Variants in REELD1 observed in about 807,000 individuals in gnomAD.
The protein encoded by REELD1 is reelin domain-containing protein 1.
A neutral mutation model predicts 6.3 loss-of-function variants in REELD1; 12 were observed. That is an observed-to-expected ratio of 1.89 (90% CI 1.21 to 3.07). The LOEUF (loss-of-function observed/expected upper bound fraction) is 3.07. Among genes scored for constraint, REELD1 ranks in the 30% most tolerant of loss-of-function variants. REELD1 has a pLI of 0.00. For synonymous variants in REELD1, 57 were observed against 33.6 expected, an observed-to-expected ratio of 1.70 and a Z score of -2.42; for missense variants, 163 against 86.8, an observed-to-expected ratio of 1.88 and a Z score of -3.49.
chr4:146,223,354 C>T (rs1473168648), intron 4 of REELD1, among the ~76,000 whole-genome samples: 1 of 152,096 alleles, frequency 6.6e-6, no homozygotes, highest in African/African-American at 2.4e-5. Context: ...TTGTGGTGTC[C>T]CTTCTCCCCC....
chr4:146,217,273 C>CT (rs1056991486), intron 3 of REELD1, 113 bp downstream of exon 3: 38 of 396,792 alleles, frequency 9.6e-5, no homozygotes, highest in East Asian at 6.1e-4. Context: ...GGCTTAATCC[C>CT]TTTTTTTTGT....
rs565636618 is a variant in REELD1 at position 146,219,841 on chromosome 4, C to T, written c.209-2516C>T. 7.4e-4 allele frequency among the ~76,000 whole-genome samples: 112 copies of T among 152,278 alleles called. 1 individual carries two copies. The South Asian group carries it at 0.013, about 17-fold the overall frequency. Reference sequence around the variant, plus strand: ...GAGTGAGATCTCAAATTAATATAATCTTAAGCAGACACAAATTAAATGTCT... The same window carrying T: ...GAGTGAGATCTCAAATTAATATAATTTTAAGCAGACACAAATTAAATGTCT... On this transcript the variant is annotated intron_variant, in intron 3 of 7. Coordinates refer to ENST00000623665, the MANE Select transcript of REELD1 (RefSeq NM_001354631.1).
chr4:146,223,734 G>A (rs367652732), intron 4 of REELD1, among the ~76,000 whole-genome samples: 11 of 152,364 alleles, frequency 7.2e-5, no homozygotes, highest in South Asian at 2.1e-4. Flanking sequence ...GCTTGCGCAC[G>A]ATAATGTCCG....
chr4:146,229,429 T>A (rs1252980298), intron 7 of REELD1, among the ~76,000 whole-genome samples: 1 of 152,212 alleles, frequency 6.6e-6, no homozygotes, highest in Non-Finnish European at 1.5e-5. Context: ...ATGGTCAATA[T>A]AAAATATAAA....
chr4:146,224,010 T>C (rs1450783616), intron 4 of REELD1, among the ~76,000 whole-genome samples: 1 of 152,268 alleles, frequency 6.6e-6, no homozygotes, highest in East Asian at 1.9e-4. Flanking sequence ...TAATTTCCAA[T>C]AGAATCTACA....
intron 4 of REELD1, among the ~76,000 whole-genome samples, chr4:146,223,096 C>T (rs1369508023): frequency 6.6e-6 from 1 of 152,206 alleles, no homozygotes; most frequent in East Asian, 1.9e-4. Flanking sequence ...ACAGTAAGCA[C>T]TTTAAAAGCA....
At chr4:146,215,651 ATTTTT>A (rs3029290) in intron 2 of REELD1, among the ~76,000 whole-genome samples, 1 of 86,666 alleles carries the variant, frequency 1.2e-5, no homozygotes, top group Non-Finnish European at 2.2e-5. Flanking sequence ...AGGGGAGGGC[ATTTTT>A]TTTTTTTTTT....
Position 146,228,331 on chromosome 4 carries a change from T to A in REELD1, c.717T>A (p.Phe239Leu), listed in dbSNP as rs752157383. ...PVPASIWVTK[F>L]PGDAETLSQP... Reference sequence around the variant, plus strand: ...CTGCCAGTATTTGGGTGACAAAGTTTCCTGGGGATGCAGAGACTCTGTCCC... The same window carrying A: ...CTGCCAGTATTTGGGTGACAAAGTTACCTGGGGATGCAGAGACTCTGTCCC... The change falls in exon 6 of 8, where the codon TTT (phenylalanine) becomes TTA (leucine). Residue 239 changes from phenylalanine (F) to leucine (L), a missense_variant. Transcript: ENST00000623665. 42 of 702,412 alleles carry A rather than the reference T, an allele frequency of 6.0e-5. No individual in the cohort carries two copies. The highest frequency in any genetic ancestry group is 2.0e-5 in the Admixed American group (1 of 50,000). 43.5% of individuals were successfully genotyped at this position (702,412 alleles called of 1,614,324 possible).
At position 146,231,236 on chromosome 4, in the gene REELD1, A is replaced by T. The variant is rs1731126522; in HGVS notation, c.*723A>T. Among the ~76,000 whole-genome samples, 1 of 152,232 alleles carries T rather than the reference A, an allele frequency of 6.6e-6. No individual in the cohort carries two copies. Among genetic ancestry groups the T allele is most frequent in the South Asian group, 2.1e-4 (1 of 4,832 alleles). The stretch of plus-strand genomic sequence containing the variant: ...AAGCCTTTTCATCAGGTGTAAATGG[A>T]TCTGAGACCTCCCATCCATTTACAC... On this transcript the variant is annotated 3_prime_UTR_variant, in exon 8 of 8. Coordinates refer to ENST00000623665, the MANE Select transcript of REELD1 (RefSeq NM_001354631.1).
chr4:146,220,065 C>T (rs937800360), intron 3 of REELD1, among the ~76,000 whole-genome samples: 2 of 152,200 alleles, frequency 1.3e-5, no homozygotes, highest in Non-Finnish European at 2.9e-5. Flanking sequence ...GCCTCAGCCT[C>T]CCCAGTAGCT....
chr4:146,216,929 T>C lies in REELD1; in HGVS notation c.-11-13T>C, dbSNP rs1730836523. On this transcript the variant is annotated splice_polypyrimidine_tract_variant and intron_variant, in intron 2 of 7. Transcript: ENST00000623665. Reference sequence around the variant, plus strand: ...TAACGTCTGGACTGAAGCTGCTGTTTGTCATGATACAGGAGAGGGCAGGAT... The same window carrying C: ...TAACGTCTGGACTGAAGCTGCTGTTCGTCATGATACAGGAGAGGGCAGGAT... 1 of 398,596 alleles carries C rather than the reference T, an allele frequency of 2.5e-6. No homozygotes were observed. Among genetic ancestry groups the C allele is most frequent in the East Asian group, 3.6e-5 (1 of 28,072 alleles). 24.7% of individuals were successfully genotyped at this position (398,596 alleles called of 1,614,324 possible).
At chr4:146,229,174 A>G in intron 7 of REELD1, 86 bp downstream of exon 7, 1 of 669,628 alleles carries the variant, frequency 1.5e-6, no homozygotes, top group Non-Finnish European at 2.7e-6. Context: ...CAGAGCTATT[A>G]GACTAGTAGC....
intron 3 of REELD1, among the ~76,000 whole-genome samples, chr4:146,218,245 C>A (rs905347778): frequency 6.6e-6 from 1 of 152,220 alleles, no homozygotes; most frequent in Admixed American, 6.5e-5. Flanking sequence ...CGGGTTGCCC[C>A]CACCAGGGGT....
intron 5 of REELD1, among the ~76,000 whole-genome samples, chr4:146,225,382 T>C (rs2110922788): frequency 6.6e-6 from 1 of 152,342 alleles, no homozygotes; most frequent in East Asian, 1.9e-4. Flanking sequence ...CCTCTTCGCT[T>C]ATTCTTTCCT....
intron 2 of REELD1, among the ~76,000 whole-genome samples, chr4:146,216,348 G>C (rs1730825908): frequency 6.6e-6 from 1 of 152,172 alleles, no homozygotes; most frequent in Admixed American, 6.5e-5. Context: ...TTTACTAAAA[G>C]TAGTGAAATA....
At chr4:146,226,101 C>T (rs911996919) in intron 5 of REELD1, among the ~76,000 whole-genome samples, 4 of 152,088 alleles carry the variant, frequency 2.6e-5, no homozygotes, top group African/African-American at 9.7e-5. Flanking sequence ...GGTTTCTTAA[C>T]TGTACAAAGA....
In REELD1 at chr4:146,230,726, C is replaced by G. The variant is rs992561394; in HGVS notation, c.*213C>G. 3 of 372,020 alleles carry G rather than the reference C, an allele frequency of 8.1e-6. No homozygotes were observed. The highest frequency in any genetic ancestry group is 1.4e-5 in the Non-Finnish European group (3 of 209,292). The allele number at this position is 372,020 out of a possible 1,614,324, so 23.0% of individuals were successfully genotyped here. ...GTCTTAACATCTGTAATTGGGCTTC[C>G]TTCTTTCTTTTTGCAATTAGACGTT... is the stretch of plus-strand genomic sequence containing the variant. On this transcript the variant is annotated 3_prime_UTR_variant, in exon 8 of 8. Transcript: ENST00000623665.
intron 3 of REELD1, among the ~76,000 whole-genome samples, chr4:146,221,589 G>A (rs536396507): frequency 3.9e-5 from 6 of 152,262 alleles, no homozygotes; most frequent in Admixed American, 6.5e-5. Flanking sequence ...AGCCAGATGC[G>A]GTGGCTCACG....
chr4:146,220,891 C>T (rs1333463986), intron 3 of REELD1, among the ~76,000 whole-genome samples: 1 of 152,158 alleles, frequency 6.6e-6, no homozygotes, highest in African/African-American at 2.4e-5. Context: ...GTTAGCAGAA[C>T]CATCTGTTCT....
Sources: gnomAD v4.1 joint callset for allele counts (sites outside exome capture counted in the v4.1 genomes callset) on GRCh38, gnomAD v4.1.1 for gene constraint, MANE v1.5 for transcripts, NCBI Gene and HGNC (gene_info 2026-07-23, HGNC 2026-07-21) for gene names.